MARS1: variants seen among roughly 807,000 people sequenced by gnomAD.
MARS1 encodes the protein methionyl-tRNA synthetase 1.
In MARS1, 80 loss-of-function variants were observed where a neutral mutation model predicts 119.5. That is an observed-to-expected ratio of 0.67 (90% CI 0.56 to 0.81). The LOEUF (loss-of-function observed/expected upper bound fraction) is 0.81. MARS1 is among the 30% of genes least tolerant of loss of function. The probability of loss-of-function intolerance (pLI) is 0.00; values close to 1 mark genes in which losing one functional copy is unlikely to be tolerated. For missense variants in MARS1, 945 were observed against 1,116.5 expected (o/e 0.85, Z 2.19); for synonymous variants, 418 against 433.4 (o/e 0.96, Z 0.44).
intron 2 of MARS1, 25 bp downstream of exon 2, chr12:57,489,134 G>A (rs762148057): frequency 6.2e-7 from 1 of 1,610,568 alleles, no homozygotes; most frequent in South Asian, 1.1e-5. Flanking sequence ...TTGGTGTAGG[G>A]AGGTGGCTGA....
chr12:57,506,332 G>GT (rs1352447486), intron 11 of MARS1, among the ~76,000 whole-genome samples: 1 of 152,204 alleles, frequency 6.6e-6, no homozygotes, highest in East Asian at 1.9e-4. Flanking sequence ...GGAGGCTAAG[G>GT]TAGGAGGGTT....
At chr12:57,508,785 C>T (rs1949000866) in intron 11 of MARS1, among the ~76,000 whole-genome samples, 1 of 152,078 alleles carries the variant, frequency 6.6e-6, no homozygotes, top group Non-Finnish European at 1.5e-5. Flanking sequence ...TGGTCTCAAA[C>T]TTCTGACCTC....
chr12:57,515,830 TCA>T, intron 18 of MARS1, 88 bp from the exon 19 acceptor site: 1 of 925,262 alleles, frequency 1.1e-6, no homozygotes, highest in African/African-American at 1.7e-5. Context: ...CTAAAACACA[TCA>T]GAGATTGGGG....
At chr12:57,513,013 C>T (rs752455273) in intron 15 of MARS1, 49 bp downstream of exon 15, 2 of 1,484,308 alleles carry the variant, frequency 1.3e-6, no homozygotes, top group Non-Finnish European at 9.4e-7. Flanking sequence ...GGGTGGGGCT[C>T]ATTTTCCCTC....
At chr12:57,501,386 T>TA (rs1453619160) in intron 10 of MARS1, among the ~76,000 whole-genome samples, 1 of 152,170 alleles carries the variant, frequency 6.6e-6, no homozygotes, top group Admixed American at 6.5e-5. Context: ...AAGCAAGAAA[T>TA]AAAGTATGTT....
At chr12:57,501,691 G>A (rs543531476) in intron 10 of MARS1, among the ~76,000 whole-genome samples, 11 of 152,172 alleles carry the variant, frequency 7.2e-5, no homozygotes, top group African/African-American at 1.9e-4. Flanking sequence ...GTGTGGTGGC[G>A]GACCCCTGTA....
chr12:57,491,738 C>T (rs979824819), intron 7 of MARS1, among the ~76,000 whole-genome samples: 1 of 152,102 alleles, frequency 6.6e-6, no homozygotes, highest in Non-Finnish European at 1.5e-5. Context: ...TTGTCACTCT[C>T]CTGCTACACT....
At chr12:57,508,596 G>A (rs890918873) in intron 11 of MARS1, among the ~76,000 whole-genome samples, 2 of 152,264 alleles carry the variant, frequency 1.3e-5, no homozygotes, top group African/African-American at 2.4e-5. Context: ...GTTGCAGTGA[G>A]CAGAGATGGC....
chr12:57,494,248 G>A (rs1014758563), intron 7 of MARS1, among the ~76,000 whole-genome samples: 1 of 150,722 alleles, frequency 6.6e-6, no homozygotes. Flanking sequence ...AAGCCACTAC[G>A]CCCAGCCTTG....
intron 9 of MARS1, among the ~76,000 whole-genome samples, chr12:57,499,196 A>G (rs767679912): frequency 6.7e-6 from 1 of 149,418 alleles, no homozygotes; most frequent in African/African-American, 2.5e-5. Flanking sequence ...AGGCAGAAGA[A>G]TCTCTTGAAC....
chr12:57,500,279 T>A lies in MARS1; in HGVS notation c.1092-42T>A, dbSNP rs370344785. 79 of 1,565,970 alleles carry A rather than the reference T, an allele frequency of 5.0e-5. No homozygotes were observed. The African/African-American group carries it at 9.2e-4, about 18-fold the overall frequency. ...TGGCAGGAGGAAGGGGTCCACCACG[T>A]CTTCTGACTGTCTCTTCCTGATCCC... On this transcript the variant is annotated intron_variant, in intron 9 of 20. Transcript: ENST00000262027.
intron 7 of MARS1, among the ~76,000 whole-genome samples, chr12:57,493,932 TA>T (rs1262678791): frequency 6.0e-5 from 4 of 66,184 alleles, no homozygotes; most frequent in Admixed American, 2.5e-4. Flanking sequence ...TAATATATAT[TA>T]TATATTATAT....
chr12:57,510,887 C>A (rs1449369805), intron 11 of MARS1, among the ~76,000 whole-genome samples: 1 of 152,006 alleles, frequency 6.6e-6, no homozygotes, highest in African/African-American at 2.4e-5. Flanking sequence ...CCAGGGTGGG[C>A]AACTTGGTGA....
intron 7 of MARS1, among the ~76,000 whole-genome samples, chr12:57,491,984 T>G (rs992769372): frequency 1.3e-5 from 2 of 152,106 alleles, no homozygotes; most frequent in Non-Finnish European, 2.9e-5. Context: ...GAATTACACA[T>G]TTTGAAAAGT....
chr12:57,489,434 C>T lies in MARS1; in HGVS notation c.290C>T (p.Ser97Phe). The T allele has an allele frequency of 3.1e-6, 5 of 1,614,162 alleles. No individual in the cohort carries two copies. The highest frequency in any genetic ancestry group is 4.2e-6 in the Non-Finnish European group (5 of 1,180,038). Reference sequence around the variant, plus strand: ...TCCCCTGCATTTTAGCCAGCTTTGTCTGCTGCCCTGTACTATTTAGTGGTC... The same window carrying T: ...TCCCCTGCATTTTAGCCAGCTTTGTTTGCTGCCCTGTACTATTTAGTGGTC... ...WEATELQPALSAALYYLVVQG... is the reference protein window; with the variant it reads ...WEATELQPALFAALYYLVVQG... Residue 97 changes from serine (S) to phenylalanine (F), a missense_variant, in exon 4 of 21, where the codon TCT becomes TTT. By Grantham distance (155) the Ser-to-Phe change is radical. Transcript: ENST00000262027.
chr12:57,498,289 C>CG lies in MARS1; in HGVS notation c.887+20dup. ...TCTTTGCCAGGTGGAGCCAGCTGCT[C>CG]GGGGAGAGACCTCCTAAGGGAAGGG... On this transcript the variant is annotated intron_variant, in intron 8 of 20. Coordinates refer to ENST00000262027, the MANE Select transcript of MARS1 (RefSeq NM_004990.4). 1 of 1,608,260 alleles carries CG rather than the reference C, an allele frequency of 6.2e-7. No individual in the cohort carries two copies. Among genetic ancestry groups the CG allele is most frequent in the Middle Eastern group, 1.7e-4 (1 of 6,046 alleles).
intron 7 of MARS1, among the ~76,000 whole-genome samples, chr12:57,493,770 A>ATAT (rs1876339810): frequency 3.1e-3 from 3 of 958 alleles, no homozygotes; most frequent in South Asian, 0.17. Context: ...TATATATTAT[A>ATAT]TATAATATAT....
At chr12:57,511,063 C>G (rs1877488909) in intron 11 of MARS1, among the ~76,000 whole-genome samples, 1 of 151,542 alleles carries the variant, frequency 6.6e-6, no homozygotes, top group African/African-American at 2.4e-5. Flanking sequence ...ACAGTGAGAC[C>G]CTGATATGGA....
At chr12:57,515,127 G>C (rs760729625) in intron 17 of MARS1, 23 bp from the exon 18 acceptor site, 1 of 1,614,154 alleles carries the variant, frequency 6.2e-7, no homozygotes, top group South Asian at 1.1e-5. Context: ...TGGAGGTCTT[G>C]ACTAATGTCT....
Sources: gnomAD v4.1 joint callset for allele counts (sites outside exome capture counted in the v4.1 genomes callset) on GRCh38, gnomAD v4.1.1 for gene constraint, MANE v1.5 for transcripts, NCBI Gene and HGNC (gene_info 2026-07-23, HGNC 2026-07-21) for gene names.